CLEC16A: variants seen among roughly 807,000 people sequenced by gnomAD.
The protein encoded by CLEC16A is protein CLEC16A.
In CLEC16A, 51 loss-of-function variants were observed where a neutral mutation model predicts 109.5. That is an observed-to-expected ratio of 0.47 (90% CI 0.37 to 0.59). CLEC16A has a LOEUF of 0.59. Ranked by LOEUF, CLEC16A falls within the 20% of genes least tolerant of loss-of-function variation. CLEC16A has a pLI of 0.00. For synonymous variants in CLEC16A, 673 were observed against 564.2 expected, an observed-to-expected ratio of 1.19 and a Z score of -2.73; for missense variants, 1,339 against 1,394.0, an observed-to-expected ratio of 0.96 and a Z score of 0.63.
chr16:10,967,512 A>T (rs980178044), intron 3 of CLEC16A, among the ~76,000 whole-genome samples: 1 of 152,168 alleles, frequency 6.6e-6, no homozygotes, highest in African/African-American at 2.4e-5. Context: ...CTGGGACCAC[A>T]GGTGCACACC....
At chr16:11,014,399 G>A (rs1267933812) in intron 11 of CLEC16A, among the ~76,000 whole-genome samples, 1 of 152,218 alleles carries the variant, frequency 6.6e-6, no homozygotes, top group Non-Finnish European at 1.5e-5. Flanking sequence ...GAATACTACA[G>A]TAAATATCCT....
chr16:11,079,719 A>G (rs528391374), intron 19 of CLEC16A, among the ~76,000 whole-genome samples: 5 of 152,322 alleles, frequency 3.3e-5, no homozygotes, highest in African/African-American at 1.2e-4. Flanking sequence ...TGTCATTTAA[A>G]TGACTCCGGT....
At chr16:11,141,396 A>G (rs901863860) in intron 22 of CLEC16A, among the ~76,000 whole-genome samples, 2 of 152,214 alleles carry the variant, frequency 1.3e-5, no homozygotes, top group African/African-American at 2.4e-5. Context: ...AAGGATGACC[A>G]TGGGGCCAGG....
chr16:11,063,797 T>C (rs2152911168), intron 19 of CLEC16A, among the ~76,000 whole-genome samples: 1 of 152,022 alleles, frequency 6.6e-6, no homozygotes, highest in Middle Eastern at 3.4e-3. Flanking sequence ...AAACTGGTCA[T>C]GCTTAAAGTG....
intron 11 of CLEC16A, among the ~76,000 whole-genome samples, chr16:11,008,891 C>T (rs574298419): frequency 6.0e-5 from 9 of 150,966 alleles, no homozygotes; most frequent in African/African-American, 1.2e-4. Flanking sequence ...CCCAGCTACT[C>T]GGGAGGCTGA....
chr16:11,146,100 T>A (rs150145997), intron 22 of CLEC16A, among the ~76,000 whole-genome samples: 17 of 152,332 alleles, frequency 1.1e-4, no homozygotes, highest in African/African-American at 3.8e-4. Context: ...TATGTGGCTC[T>A]GTCCTTGCTT....
At chr16:11,142,457 G>C (rs551709416) in intron 22 of CLEC16A, among the ~76,000 whole-genome samples, 14 of 152,248 alleles carry the variant, frequency 9.2e-5, no homozygotes, top group Admixed American at 6.5e-5. Context: ...TTCATGAGCC[G>C]AGTGGCATTT....
intron 1 of CLEC16A, among the ~76,000 whole-genome samples, chr16:10,948,249 C>G (rs939681351): frequency 6.6e-6 from 1 of 152,206 alleles, no homozygotes; most frequent in Admixed American, 6.5e-5. Flanking sequence ...GAAGATAGCA[C>G]AGAGAGCTGG....
At chr16:11,088,703 C>T (rs2050142977) in intron 19 of CLEC16A, among the ~76,000 whole-genome samples, 1 of 152,156 alleles carries the variant, frequency 6.6e-6, no homozygotes, top group Non-Finnish European at 1.5e-5. Context: ...TCACAGGACC[C>T]AGAAGTTTGC....
At chr16:10,958,629 C>G (rs182893756) in intron 2 of CLEC16A, among the ~76,000 whole-genome samples, 1 of 152,174 alleles carries the variant, frequency 6.6e-6, no homozygotes, top group Non-Finnish European at 1.5e-5. Flanking sequence ...GGCCGCCAGG[C>G]GCGGTGGCTC....
chr16:10,947,765 A>G (rs1390866382), intron 1 of CLEC16A, among the ~76,000 whole-genome samples: 1 of 152,208 alleles, frequency 6.6e-6, no homozygotes, highest in Non-Finnish European at 1.5e-5. Flanking sequence ...ACCAGTGACA[A>G]GTGACAGTTC....
chr16:10,993,244 T>C (rs771110167), intron 10 of CLEC16A, among the ~76,000 whole-genome samples: 5 of 152,076 alleles, frequency 3.3e-5, no homozygotes, highest in Non-Finnish European at 7.4e-5. Context: ...CCGGGCGTGA[T>C]GATGCGTACC....
intron 22 of CLEC16A, among the ~76,000 whole-genome samples, chr16:11,135,841 C>G (rs1407967166): frequency 6.6e-6 from 1 of 152,248 alleles, no homozygotes; most frequent in Non-Finnish European, 1.5e-5. Context: ...CCACACACCC[C>G]GTGTGCTCAC....
At chr16:11,030,160 T>A (rs2046654759) in intron 13 of CLEC16A, among the ~76,000 whole-genome samples, 2 of 152,250 alleles carry the variant, frequency 1.3e-5, no homozygotes, top group South Asian at 4.1e-4. Flanking sequence ...AGTTTTGGAC[T>A]ATTACAAACA....
chr16:10,969,422 C>G (rs1483181611), intron 4 of CLEC16A, 113 bp downstream of exon 4: 1 of 685,514 alleles, frequency 1.5e-6, no homozygotes, highest in Admixed American at 3.9e-5. Flanking sequence ...TTACAAAGCT[C>G]TTATATGCTT....
intron 22 of CLEC16A, among the ~76,000 whole-genome samples, chr16:11,162,113 G>T (rs1438344443): frequency 6.6e-6 from 1 of 152,208 alleles, no homozygotes; most frequent in African/African-American, 2.4e-5. Context: ...TGGTATTTTT[G>T]TGCTTCACAA....
Position 11,042,372 on chromosome 16 carries a change from C to A in CLEC16A, c.1770+9C>A. On this transcript the variant is annotated intron_variant, in intron 15 of 23. Coordinates refer to ENST00000409790, the MANE Select transcript of CLEC16A (RefSeq NM_015226.3). ...ACCTGGCCTGCCTGGAGGTAACGCC[C>A]TCTCCGCTCCTCCTTCCTGTGGGCC... 1 of 1,552,904 alleles carries A rather than the reference C, an allele frequency of 6.4e-7. No individual in the cohort carries two copies. The highest frequency in any genetic ancestry group is 1.4e-5 in the African/African-American group (1 of 73,584).
chr16:11,115,577 T>C (rs2051924910), intron 19 of CLEC16A, among the ~76,000 whole-genome samples: 1 of 152,184 alleles, frequency 6.6e-6, no homozygotes, highest in Non-Finnish European at 1.5e-5. Context: ...TTTGCCATGT[T>C]GCACAGGCCG....
intron 22 of CLEC16A, chr16:11,150,110 A>G (rs992571801): frequency 1.6e-4 from 24 of 152,214 alleles, no homozygotes; most frequent in African/African-American, 5.3e-4. Flanking sequence ...CGTTTCTGCA[A>G]AAATTCAGTG....
Sources: gnomAD v4.1 joint callset for allele counts (sites outside exome capture counted in the v4.1 genomes callset) on GRCh38, gnomAD v4.1.1 for gene constraint, MANE v1.5 for transcripts, NCBI Gene and HGNC (gene_info 2026-07-23, HGNC 2026-07-21) for gene names.